Variants in SYNPO2 observed in about 807,000 individuals in gnomAD.
SYNPO2 encodes the protein synaptopodin 2.
A neutral mutation model predicts 85.0 loss-of-function variants in SYNPO2; 56 were observed. That is an observed-to-expected ratio of 0.66 (90% CI 0.53 to 0.82). SYNPO2 has a LOEUF of 0.82. SYNPO2 is among the 40% of genes least tolerant of loss of function. SYNPO2 has a pLI of 0.00. For missense variants in SYNPO2, 1,575 were observed against 1,534.2 expected (o/e 1.03, Z -0.44); for synonymous variants, 602 against 591.1 (o/e 1.02, Z -0.27).
intron 1 of SYNPO2, among the ~76,000 whole-genome samples, chr4:118,985,147 G>A (rs938971250): frequency 7.2e-5 from 11 of 151,940 alleles, no homozygotes; most frequent in African/African-American, 2.4e-4. Flanking sequence ...TGCTCCTTAC[G>A]TACACCGAAG....
At chr4:118,963,695 A>T (rs1463856693) in intron 1 of SYNPO2, among the ~76,000 whole-genome samples, 1 of 152,226 alleles carries the variant, frequency 6.6e-6, no homozygotes, top group East Asian at 1.9e-4. Flanking sequence ...CAGGGAAATG[A>T]GGATAAACTG....
At chr4:118,866,995 T>C (rs537863456) in intron 1 of SYNPO2, among the ~76,000 whole-genome samples, 18 of 152,370 alleles carry the variant, frequency 1.2e-4, no homozygotes, top group Admixed American at 9.1e-4. Flanking sequence ...TCTCCTTTTT[T>C]TTAAAGTCTA....
At chr4:119,052,336 T>A (rs1195808465) in intron 4 of SYNPO2, among the ~76,000 whole-genome samples, 1 of 152,104 alleles carries the variant, frequency 6.6e-6, no homozygotes, top group Non-Finnish European at 1.5e-5. Flanking sequence ...GACAGCTTCC[T>A]AAGGGAGCAT....
At chr4:119,006,494 C>T (rs1737036741) in intron 1 of SYNPO2, 1 of 152,162 alleles carries the variant, frequency 6.6e-6, no homozygotes, top group Non-Finnish European at 1.5e-5. Context: ...AATTTATAAA[C>T]TACAGCTGCC....
intron 1 of SYNPO2, among the ~76,000 whole-genome samples, chr4:118,998,401 A>C (rs1435237110): frequency 6.6e-6 from 1 of 152,216 alleles, no homozygotes; most frequent in Non-Finnish European, 1.5e-5. Flanking sequence ...TGTGTATTTT[A>C]GGTATTTTCT....
intron 1 of SYNPO2, among the ~76,000 whole-genome samples, chr4:118,961,102 C>A (rs1296132466): frequency 9.1e-6 from 1 of 110,204 alleles, no homozygotes; most frequent in East Asian, 3.1e-4. Context: ...TTTTACCGCC[C>A]CCCCCCCACC....
intron 1 of SYNPO2, among the ~76,000 whole-genome samples, chr4:118,973,432 AGCAC>A (rs1362528856): frequency 2.6e-5 from 4 of 152,250 alleles, no homozygotes; most frequent in African/African-American, 9.6e-5. Context: ...GCCACAGCAT[AGCAC>A]GTATGATATG....
chr4:118,935,485 TATGTGCTAC>T (rs1358932220), intron 1 of SYNPO2, among the ~76,000 whole-genome samples: 25 of 152,266 alleles, frequency 1.6e-4, no homozygotes. Context: ...ATAATACAGT[TATGTGCTAC>T]ATGTGATAGT....
intron 1 of SYNPO2, among the ~76,000 whole-genome samples, chr4:118,988,476 G>A (rs900898792): frequency 2.0e-5 from 3 of 152,064 alleles, no homozygotes; most frequent in African/African-American, 7.2e-5. Flanking sequence ...TCTAAAAATG[G>A]TACTTGCTTT....
upstream of SYNPO2, among the ~76,000 whole-genome samples, chr4:118,884,187 C>A (rs1172752419): frequency 1.3e-5 from 2 of 152,184 alleles, no homozygotes; most frequent in African/African-American, 2.4e-5. Context: ...TTGCTATAAA[C>A]ATAATCCTGA....
rs1431710990 is a variant in SYNPO2 at position 119,059,638 on chromosome 4, T to C, written c.*1704T>C. 1.3e-5 allele frequency: 2 copies of C among 152,172 alleles called. No individual in the cohort carries two copies. Among genetic ancestry groups the C allele is most frequent in the Non-Finnish European group, 2.9e-5 (2 of 68,028 alleles). The allele number at this position is 152,172 out of a possible 1,614,324, so 9.4% of individuals were successfully genotyped here. ...ATTTTGCTTTGTGTTACTTTTTTGC[T>C]CTTGAATGTATCGTTATGATGGTCT... On this transcript the variant is annotated 3_prime_UTR_variant, in exon 5 of 5. Transcript: ENST00000307142.
At chr4:119,024,287 A>T (rs956565884) in intron 2 of SYNPO2, among the ~76,000 whole-genome samples, 8 of 152,254 alleles carry the variant, frequency 5.3e-5, no homozygotes, top group Non-Finnish European at 1.2e-4. Flanking sequence ...AAATCACAGT[A>T]CAATCCATAC....
intron 1 of SYNPO2, among the ~76,000 whole-genome samples, chr4:119,001,326 A>G (rs1736816414): frequency 1.3e-5 from 2 of 152,228 alleles, no homozygotes; most frequent in African/African-American, 2.4e-5. Context: ...ATACATTTAT[A>G]TATATTTATA....
intron 1 of SYNPO2, among the ~76,000 whole-genome samples, chr4:118,964,113 C>G (rs1296318888): frequency 6.6e-6 from 1 of 152,062 alleles, no homozygotes; most frequent in Non-Finnish European, 1.5e-5. Context: ...GAGCAGGTGC[C>G]AAGGAAGTTT....
upstream of SYNPO2, among the ~76,000 whole-genome samples, chr4:118,885,660 A>G (rs1396434591): frequency 2.0e-5 from 3 of 151,976 alleles, no homozygotes; most frequent in African/African-American, 4.8e-5. Flanking sequence ...TTTGGTAGAG[A>G]TGGGGTTTCA....
At chr4:118,998,960 G>A (rs1432063634) in intron 1 of SYNPO2, among the ~76,000 whole-genome samples, 3 of 151,978 alleles carry the variant, frequency 2.0e-5, no homozygotes, top group Non-Finnish European at 2.9e-5. Context: ...TCCTTTAAAC[G>A]TCAGCAGAGC....
At chr4:118,875,337 A>C (rs1731885470) in intron 1 of SYNPO2, among the ~76,000 whole-genome samples, 1 of 151,892 alleles carries the variant, frequency 6.6e-6, no homozygotes, top group African/African-American at 2.4e-5. Flanking sequence ...TTGGTTGAGT[A>C]CTCTCTCTGA....
At chr4:118,856,387 A>T (rs1731506888) in intron 1 of SYNPO2, among the ~76,000 whole-genome samples, 1 of 152,092 alleles carries the variant, frequency 6.6e-6, no homozygotes, top group South Asian at 2.1e-4. Flanking sequence ...ATTAGGGGGG[A>T]TTATAAAACC....
At chr4:118,925,349 AGATGACTGTTGGCCTC>A (rs1227992737) in intron 1 of SYNPO2, among the ~76,000 whole-genome samples, 2 of 152,194 alleles carry the variant, frequency 1.3e-5, no homozygotes, top group Non-Finnish European at 2.9e-5. Flanking sequence ...GTTTTAAACC[AGATGACTGTTGGCCTC>A]AAAAGCCCAG....
Sources: allele counts gnomAD v4.1 joint callset (sites outside exome capture counted in the v4.1 genomes callset), GRCh38; gene constraint gnomAD v4.1.1; transcripts MANE v1.5; gene names NCBI Gene and HGNC (gene_info 2026-07-23, HGNC 2026-07-21).